TYW1: variants seen among roughly 807,000 people sequenced by gnomAD.
The protein encoded by TYW1 is tRNA-yW synthesizing protein 1 homolog, also known as S-adenosyl-L-methionine-dependent tRNA 4-demethylwyosine synthase TYW1.
TYW1 carries 46 observed loss-of-function variants against 96.2 expected under a neutral mutation model. That is an observed-to-expected ratio of 0.48 (90% CI 0.38 to 0.61). The LOEUF (loss-of-function observed/expected upper bound fraction) is 0.61. TYW1 is among the 20% of genes least tolerant of loss of function. The pLI, the probability that TYW1 is intolerant of heterozygous loss-of-function variation, is 0.00. For missense variants in TYW1, 684 were observed against 909.6 expected, an observed-to-expected ratio of 0.75 and a Z score of 3.19; for synonymous variants, 274 against 323.0, an observed-to-expected ratio of 0.85 and a Z score of 1.63.
chr7:67,124,753 C>T (rs1372003636), intron 13 of TYW1, among the ~76,000 whole-genome samples: 1 of 152,230 alleles, frequency 6.6e-6, no homozygotes, highest in Non-Finnish European at 1.5e-5. Context: ...CATGATTTTG[C>T]AAGTAATAGT....
At chr7:67,203,045 T>G (rs1252036806) in intron 15 of TYW1, among the ~76,000 whole-genome samples, 11 of 152,210 alleles carry the variant, frequency 7.2e-5, no homozygotes, top group Admixed American at 2.0e-4. Context: ...CTGTTTTGTG[T>G]TTAGATTTAT....
chr7:67,221,779 T>C (rs28764821), intron 15 of TYW1, among the ~76,000 whole-genome samples: 40,697 of 151,988 alleles, frequency 0.27, 5,815 homozygotes, highest in African/African-American at 0.36. Context: ...ACAGCTCTGT[T>C]CCCACCCATT....
chr7:67,091,595 A>C (rs2115820713), intron 11 of TYW1, among the ~76,000 whole-genome samples: 1 of 152,318 alleles, frequency 6.6e-6, no homozygotes, highest in East Asian at 1.9e-4. Context: ...AGGCTGTTTC[A>C]ATTTCTGTCA....
chr7:67,131,293 G>A (rs908664362), intron 13 of TYW1, among the ~76,000 whole-genome samples: 10 of 152,020 alleles, frequency 6.6e-5, no homozygotes, highest in Admixed American at 6.6e-4. Flanking sequence ...AGGTAATTTT[G>A]TTTGAATTTT....
chr7:67,024,799 A>AT, intron 6 of TYW1, 101 bp from the exon 7 acceptor site: 3 of 1,489,286 alleles, frequency 2.0e-6, no homozygotes, highest in Middle Eastern at 1.9e-4. Context: ...AAAAAAAAAA[A>AT]GAATTTAGAG....
intron 13 of TYW1, among the ~76,000 whole-genome samples, chr7:67,170,303 A>T (rs1352255058): frequency 6.6e-6 from 1 of 152,166 alleles, no homozygotes; most frequent in East Asian, 1.9e-4. Flanking sequence ...TTTTATCCTT[A>T]TGGTGGTACC....
chr7:67,036,026 G>A lies in TYW1; in HGVS notation c.984+11004G>A, dbSNP rs112336858. Among the ~76,000 whole-genome samples, 42 of 145,656 alleles carry A rather than the reference G, an allele frequency of 2.9e-4. 1 individual carries two copies. Among genetic ancestry groups the A allele is most frequent in the East Asian group, 5.8e-4 (3 of 5,150 alleles). ...GCTCCCATTGTCCTCAGATCAGAATGGTTTTGATATTTCCTTTTTTTTTTT... is the reference window on the plus strand; with the variant it reads ...GCTCCCATTGTCCTCAGATCAGAATAGTTTTGATATTTCCTTTTTTTTTTT... On this transcript the variant is annotated intron_variant, in intron 7 of 15. Transcript: ENST00000359626.
At chr7:67,096,579 TG>T (rs1402338851) in intron 11 of TYW1, among the ~76,000 whole-genome samples, 1 of 152,088 alleles carries the variant, frequency 6.6e-6, no homozygotes, top group Non-Finnish European at 1.5e-5. Flanking sequence ...ATTTTTTCTT[TG>T]TTTTTTTTTT....
At chr7:67,026,411 A>G (rs529958418) in intron 7 of TYW1, among the ~76,000 whole-genome samples, 8 of 152,236 alleles carry the variant, frequency 5.3e-5, no homozygotes, top group Non-Finnish European at 1.0e-4. Flanking sequence ...TCTTAAACCT[A>G]CGTTGGAAAA....
At chr7:67,126,052 A>C (rs1035489233) in intron 13 of TYW1, among the ~76,000 whole-genome samples, 3 of 151,758 alleles carry the variant, frequency 2.0e-5, no homozygotes, top group African/African-American at 7.3e-5. Flanking sequence ...TTTGCATATA[A>C]ATTTTCAACT....
At chr7:67,205,388 G>A (rs912825436) in intron 15 of TYW1, among the ~76,000 whole-genome samples, 1 of 147,654 alleles carries the variant, frequency 6.8e-6, no homozygotes, top group South Asian at 2.1e-4. Flanking sequence ...GATGGAGGCG[G>A]GGGGGGGGCC....
chr7:67,152,425 AT>A (rs1240334980), intron 13 of TYW1, among the ~76,000 whole-genome samples: 1 of 151,454 alleles, frequency 6.6e-6, no homozygotes, highest in African/African-American at 2.4e-5. Context: ...GTTTTAGAAG[AT>A]TTTGCTCTCA....
At chr7:67,199,643 A>G (rs10081302) in intron 15 of TYW1, among the ~76,000 whole-genome samples, 38,215 of 152,060 alleles carry the variant, frequency 0.25, 4,988 homozygotes, top group African/African-American at 0.3. Context: ...TTATATGTTT[A>G]TTTATCAGTA....
chr7:67,133,112 A>G (rs1400110525), intron 13 of TYW1, among the ~76,000 whole-genome samples: 1 of 151,998 alleles, frequency 6.6e-6, no homozygotes, highest in Non-Finnish European at 1.5e-5. Flanking sequence ...TATCCTCACG[A>G]ATACTTGGTC....
intron 12 of TYW1, among the ~76,000 whole-genome samples, chr7:67,102,470 T>C (rs1231545038): frequency 6.6e-6 from 1 of 152,124 alleles, no homozygotes; most frequent in African/African-American, 2.4e-5. Context: ...CTTCATTTAC[T>C]AAACCTGACT....
intron 14 of TYW1, 38 bp downstream of exon 14, chr7:67,183,274 A>G (rs1322895931): frequency 1.3e-6 from 2 of 1,565,302 alleles, no homozygotes; most frequent in South Asian, 1.2e-5. Flanking sequence ...TGGTGGAGTG[A>G]CAAAGAATCG....
chr7:67,118,945 T>C (rs2115986574), intron 13 of TYW1, among the ~76,000 whole-genome samples: 1 of 148,772 alleles, frequency 6.7e-6, no homozygotes, highest in African/African-American at 2.4e-5. Flanking sequence ...ATGAAGTTAA[T>C]TTTCCTGAAT....
intron 10 of TYW1, among the ~76,000 whole-genome samples, chr7:67,073,003 C>G (rs1796080675): frequency 7.8e-6 from 1 of 128,884 alleles, no homozygotes; most frequent in African/African-American, 3.0e-5. Context: ...AAGCTGGTCT[C>G]AAACTCTTGG....
chr7:67,222,183 C>T (rs967925369), intron 15 of TYW1, among the ~76,000 whole-genome samples: 10 of 151,634 alleles, frequency 6.6e-5, no homozygotes, highest in South Asian at 2.1e-4. Context: ...GGCAACAGAG[C>T]GAGACTCCAT....
Sources: gnomAD v4.1 joint callset for allele counts (sites outside exome capture counted in the v4.1 genomes callset) on GRCh38, gnomAD v4.1.1 for gene constraint, MANE v1.5 for transcripts, NCBI Gene and HGNC (gene_info 2026-07-23, HGNC 2026-07-21) for gene names.